ALKBH1: variants seen among roughly 807,000 people sequenced by gnomAD.
The protein encoded by ALKBH1 is nucleic acid dioxygenase ALKBH1.
In ALKBH1, 31 loss-of-function variants were observed where a neutral mutation model predicts 36.6. That is an observed-to-expected ratio of 0.85 (90% CI 0.64 to 1.14). ALKBH1 has a LOEUF of 1.14. Ranked by LOEUF, ALKBH1 falls within the 50% of genes most tolerant of loss-of-function variation. The pLI is 0.00. For missense variants in ALKBH1, 490 were observed against 497.3 expected, an observed-to-expected ratio of 0.99 and a Z score of 0.14; for synonymous variants, 183 against 186.6, an observed-to-expected ratio of 0.98 and a Z score of 0.16.
chr14:77,678,075 AAAT>A lies in ALKBH1; in HGVS notation c.546+1802_546+1804del, dbSNP rs370628008. On this transcript the variant is annotated intron_variant, in intron 4 of 5. Coordinates refer to ENST00000216489, the MANE Select transcript of ALKBH1 (RefSeq NM_006020.3). ...TGGGGAATAACAATATCAACAGTAA[AAAT>A]ATTATCACCAAAAAAAAAAAAAAAA... is the stretch of plus-strand genomic sequence containing the variant. Among the ~76,000 whole-genome samples the A allele has an allele frequency of 7.5e-3, 1,019 of 135,694 alleles. 10 individuals are homozygous for A. Among genetic ancestry groups the A allele is most frequent in the African/African-American group, 0.027 (982 of 36,120 alleles). 89.0% of individuals were successfully genotyped at this position (135,694 alleles called of 152,430 possible).
At position 77,676,527 on chromosome 14, in the gene ALKBH1, G is replaced by A. The variant is rs532164312; in HGVS notation, c.547-678C>T. 6.6e-5 allele frequency among the ~76,000 whole-genome samples: 10 copies of A among 152,198 alleles called. No individual in the cohort carries two copies. The South Asian group carries it at 2.1e-3, about 32-fold the overall frequency. On this transcript the variant is annotated intron_variant, in intron 4 of 5. Coordinates refer to ENST00000216489, the MANE Select transcript of ALKBH1 (RefSeq NM_006020.3). ...AAACACAAGGACTAAATATAATGTA[G>A]TATCCTGGATAAGATCCTGGATATT...
At chr14:77,703,554 C>G (rs1448240010) in intron 2 of ALKBH1, among the ~76,000 whole-genome samples, 1 of 149,800 alleles carries the variant, frequency 6.7e-6, no homozygotes, top group Non-Finnish European at 1.5e-5. Context: ...CTCGGCCTCC[C>G]AAAGTGTTGG....
At position 77,679,879 on chromosome 14, in the gene ALKBH1, C is replaced by A; in HGVS notation, c.546+1G>T. 1 of 1,612,754 alleles carries A rather than the reference C, an allele frequency of 6.2e-7. No homozygotes were observed. The highest frequency in any genetic ancestry group is 8.5e-7 in the Non-Finnish European group (1 of 1,178,858). On this transcript the variant is annotated splice_donor_variant, in intron 4 of 5. Transcript: ENST00000216489. LOFTEE classifies it high-confidence loss of function. ...CAAAAGAATTAAGAAAACCTGAATA[C>A]CTTACTGTCCCAGTTATAATGGTAG...
At chr14:77,706,148 C>A (rs1203505171) in intron 1 of ALKBH1, among the ~76,000 whole-genome samples, 10 of 151,678 alleles carry the variant, frequency 6.6e-5, no homozygotes, top group African/African-American at 1.7e-4. Flanking sequence ...AGAGAATGAT[C>A]TTTTATCTTA....
At chr14:77,707,702 G>A (rs2080403515) in intron 1 of ALKBH1, 120 bp downstream of exon 1, 3 of 1,177,724 alleles carry the variant, frequency 2.5e-6, no homozygotes, top group African/African-American at 3.1e-5. Context: ...AGCCAAAGGA[G>A]GTCAGGAATC....
intron 4 of ALKBH1, among the ~76,000 whole-genome samples, chr14:77,679,603 G>T (rs577790164): frequency 3.3e-5 from 5 of 152,154 alleles, no homozygotes; most frequent in African/African-American, 1.2e-4. Flanking sequence ...GCAAACTTTT[G>T]TATTTTTTGT....
At chr14:77,682,943 C>T (rs977205781) in intron 3 of ALKBH1, among the ~76,000 whole-genome samples, 9 of 152,078 alleles carry the variant, frequency 5.9e-5, no homozygotes, top group African/African-American at 1.9e-4. Flanking sequence ...GTGGTCCACC[C>T]GCCTCGGCCT....
At chr14:77,693,537 C>T (rs542873886) in intron 3 of ALKBH1, among the ~76,000 whole-genome samples, 9 of 152,318 alleles carry the variant, frequency 5.9e-5, no homozygotes, top group African/African-American at 2.2e-4. Flanking sequence ...ATGCTCTTGT[C>T]TCGCAGGACG....
intron 2 of ALKBH1, among the ~76,000 whole-genome samples, chr14:77,698,031 G>C (rs1019278744): frequency 2.0e-5 from 3 of 152,026 alleles, no homozygotes; most frequent in Non-Finnish European, 2.9e-5. Context: ...AAAAGAATTA[G>C]AGATAAAGTG....
chr14:77,707,792 G>A (rs777399354), intron 1 of ALKBH1, 30 bp downstream of exon 1: 2 of 1,566,206 alleles, frequency 1.3e-6, no homozygotes, highest in Non-Finnish European at 1.7e-6. Context: ...CAAAGCGATG[G>A]AGAGACGCGC....
intron 3 of ALKBH1, among the ~76,000 whole-genome samples, chr14:77,682,270 A>C (rs1379326157): frequency 6.6e-6 from 1 of 152,236 alleles, no homozygotes; most frequent in Non-Finnish European, 1.5e-5. Context: ...ACCAATGTTT[A>C]TTCAGCTAAA....
At chr14:77,695,244 T>G (rs923002772) in intron 2 of ALKBH1, among the ~76,000 whole-genome samples, 2 of 152,238 alleles carry the variant, frequency 1.3e-5, no homozygotes. Context: ...ATTTCATTTA[T>G]TACAGGCATG....
chr14:77,697,705 A>T (rs2080335480), intron 2 of ALKBH1, among the ~76,000 whole-genome samples: 1 of 151,500 alleles, frequency 6.6e-6, no homozygotes, highest in South Asian at 2.1e-4. Context: ...AATAAAAAAA[A>T]AAAAAAAAAA....
intron 4 of ALKBH1, 81 bp downstream of exon 4, chr14:77,679,799 G>T: frequency 9.7e-7 from 1 of 1,034,196 alleles, no homozygotes; most frequent in Non-Finnish European, 1.5e-6. Context: ...GATATCTTAA[G>T]CGTGGTTAGG....
chr14:77,706,113 A>G (rs2080389056), intron 1 of ALKBH1, among the ~76,000 whole-genome samples: 2 of 151,862 alleles, frequency 1.3e-5, no homozygotes, highest in Admixed American at 1.3e-4. Flanking sequence ...ACACATATAT[A>G]TATATATGAA....
intron 3 of ALKBH1, among the ~76,000 whole-genome samples, chr14:77,686,685 G>T (rs2080270267): frequency 6.6e-6 from 1 of 152,146 alleles, no homozygotes; most frequent in African/African-American, 2.4e-5. Flanking sequence ...GTGCAGTGGC[G>T]TGATCTCGGC....
At chr14:77,692,510 G>A (rs1415721263) in intron 3 of ALKBH1, among the ~76,000 whole-genome samples, 1 of 152,158 alleles carries the variant, frequency 6.6e-6, no homozygotes, top group African/African-American at 2.4e-5. Context: ...AACAGGGTTC[G>A]CGCTCCTATG....
intron 1 of ALKBH1, among the ~76,000 whole-genome samples, chr14:77,707,510 A>G (rs971789144): frequency 6.6e-6 from 1 of 152,092 alleles, no homozygotes; most frequent in South Asian, 2.1e-4. Context: ...GTCTACAAAG[A>G]CGTTCTATGG....
chr14:77,695,428 C>A (rs1052532085), intron 2 of ALKBH1, among the ~76,000 whole-genome samples: 1 of 152,216 alleles, frequency 6.6e-6, no homozygotes, highest in Non-Finnish European at 1.5e-5. Flanking sequence ...TATTTGCCAG[C>A]TGGCTGTCTG....
Sources: allele counts gnomAD v4.1 joint callset (sites outside exome capture counted in the v4.1 genomes callset), GRCh38; gene constraint gnomAD v4.1.1; transcripts MANE v1.5; gene names NCBI Gene and HGNC (gene_info 2026-07-23, HGNC 2026-07-21).